The following MSR1 variants were observed in gnomAD, a reference collection of about 807,000 sequenced individuals.
The protein encoded by MSR1 is macrophage scavenger receptor types I and II.
A neutral mutation model predicts 47.2 loss-of-function variants in MSR1; 53 were observed. The observed-to-expected ratio is 1.12, with a 90% CI of 0.90 to 1.41. The LOEUF (loss-of-function observed/expected upper bound fraction) is 1.41, where lower values mean the gene tolerates loss of function less well. Among genes scored for constraint, MSR1 ranks in the 40% most tolerant of loss-of-function variants. MSR1 has a pLI of 0.00. For synonymous variants in MSR1, 239 were observed against 185.6 expected, an observed-to-expected ratio of 1.29 and a Z score of -2.34; for missense variants, 786 against 546.9, an observed-to-expected ratio of 1.44 and a Z score of -4.36.
At chr8:16,117,171 C>A (rs1369655201) in intron 9 of MSR1, among the ~76,000 whole-genome samples, 1 of 152,106 alleles carries the variant, frequency 6.6e-6, no homozygotes, top group African/African-American at 2.4e-5. Context: ...ACTGCCGCTC[C>A]CTATCACTCA....
At chr8:16,173,072 C>T (rs1171678272) in intron 3 of MSR1, among the ~76,000 whole-genome samples, 2 of 152,134 alleles carry the variant, frequency 1.3e-5, no homozygotes, top group African/African-American at 2.4e-5. Flanking sequence ...TTTCCAAATT[C>T]TGGTGAATCT....
At chr8:16,183,423 T>A (rs1481058827) in intron 1 of MSR1, among the ~76,000 whole-genome samples, 1 of 151,052 alleles carries the variant, frequency 6.6e-6, no homozygotes, top group African/African-American at 2.4e-5. Flanking sequence ...ATATATTAAA[T>A]AAATATTGAA....
At chr8:16,161,424 T>A (rs910814535) in intron 5 of MSR1, among the ~76,000 whole-genome samples, 3 of 151,986 alleles carry the variant, frequency 2.0e-5, no homozygotes, top group Non-Finnish European at 2.9e-5. Flanking sequence ...AGTGGAGGTA[T>A]CTAACTGTTA....
chr8:16,163,021 G>A (rs1801204396), intron 5 of MSR1, among the ~76,000 whole-genome samples: 1 of 151,942 alleles, frequency 6.6e-6, no homozygotes, highest in African/African-American at 2.4e-5. Flanking sequence ...AGCACTTTCA[G>A]TTCCTTGTGT....
In MSR1 at chr8:16,120,428, G is replaced by A. The variant is rs1799972776; in HGVS notation, c.1212C>T (p.His404=). The change falls in exon 9 of 10, where the codon CAC becomes CAT. Residue 404 remains histidine, a synonymous_variant. Transcript: ENST00000262101. ...PGVQAVHKAA[H]FGQGTGPIWL... ...TTTTCTTTAAATTACCTTGTCCAAAGTGAGCTGCCTTGTGCACGGCTTGAA... is the reference window on the plus strand; with the variant it reads ...TTTTCTTTAAATTACCTTGTCCAAAATGAGCTGCCTTGTGCACGGCTTGAA... The A allele has an allele frequency of 6.2e-7, 1 of 1,613,710 alleles. No individual in the cohort carries two copies. Among genetic ancestry groups the A allele is most frequent in the Non-Finnish European group, 8.5e-7 (1 of 1,179,856 alleles).
chr8:16,167,164 T>C (rs1004842689), intron 4 of MSR1, among the ~76,000 whole-genome samples: 8 of 152,282 alleles, frequency 5.3e-5, no homozygotes, highest in Non-Finnish European at 1.2e-4. Context: ...TTTCCATTAA[T>C]TATCACTTCA....
intron 3 of MSR1, among the ~76,000 whole-genome samples, chr8:16,170,701 CT>C (rs1448710156): frequency 2.0e-5 from 3 of 152,116 alleles, no homozygotes; most frequent in African/African-American, 4.8e-5. Flanking sequence ...AGTTCTACCC[CT>C]AACTCAAGGA....
intron 8 of MSR1, among the ~76,000 whole-genome samples, chr8:16,128,501 GC>G (rs1800180298): frequency 3.3e-5 from 5 of 152,020 alleles, no homozygotes; most frequent in Non-Finnish European, 7.4e-5. Context: ...AGCCAATCCT[GC>G]CCCCAGCTTG....
intron 8 of MSR1, among the ~76,000 whole-genome samples, chr8:16,122,584 T>C (rs552331223): frequency 1.3e-5 from 2 of 152,074 alleles, no homozygotes; most frequent in African/African-American, 4.8e-5. Flanking sequence ...GGAGCAGTGG[T>C]TCTCAAAGAA....
At chr8:16,120,895 T>C (rs902815905) in intron 8 of MSR1, 3 of 422,686 alleles carry the variant, frequency 7.1e-6, no homozygotes, top group African/African-American at 6.0e-5. Flanking sequence ...CGAGTTTGAA[T>C]TTTGACAGAT....
chr8:16,162,933 A>C (rs1563159765), intron 5 of MSR1, among the ~76,000 whole-genome samples: 1 of 151,972 alleles, frequency 6.6e-6, no homozygotes, highest in Non-Finnish European at 1.5e-5. Flanking sequence ...ATATTGACTA[A>C]GTTCTCGATT....
intron 9 of MSR1, among the ~76,000 whole-genome samples, chr8:16,112,149 A>G (rs965695323): frequency 1.3e-5 from 2 of 152,264 alleles, no homozygotes; most frequent in South Asian, 4.1e-4. Context: ...GGACACATGG[A>G]TGTGACAAAT....
chr8:16,158,503 G>A (rs351575), intron 5 of MSR1, among the ~76,000 whole-genome samples: 30 of 151,832 alleles, frequency 2.0e-4, no homozygotes, highest in Non-Finnish European at 2.8e-4. Flanking sequence ...TTTCCAGAGC[G>A]ATGCTTCTCT....
chr8:16,115,996 A>G (rs1202630916), intron 9 of MSR1, among the ~76,000 whole-genome samples: 1 of 151,968 alleles, frequency 6.6e-6, no homozygotes, highest in Non-Finnish European at 1.5e-5. Flanking sequence ...TATAAAATAA[A>G]AAATCTAAGT....
At chr8:16,188,536 C>T (rs573359313) in intron 1 of MSR1, among the ~76,000 whole-genome samples, 1 of 152,030 alleles carries the variant, frequency 6.6e-6, no homozygotes, top group East Asian at 1.9e-4. Flanking sequence ...GATACACGTG[C>T]AGAACGTGCA....
intron 8 of MSR1, among the ~76,000 whole-genome samples, chr8:16,122,037 G>T (rs1800017612): frequency 6.6e-6 from 1 of 151,968 alleles, no homozygotes; most frequent in Non-Finnish European, 1.5e-5. Flanking sequence ...GAGCTATGCA[G>T]AAACATAAAA....
intron 9 of MSR1, among the ~76,000 whole-genome samples, chr8:16,116,232 C>T (rs889054814): frequency 6.6e-6 from 1 of 152,136 alleles, no homozygotes; most frequent in Admixed American, 6.5e-5. Context: ...AGCTTCAAAA[C>T]AAATCTGCCA....
At chr8:16,140,892 G>C (rs367797541) in intron 8 of MSR1, 11 of 1,608,626 alleles carry the variant, frequency 6.8e-6, no homozygotes, top group Middle Eastern at 1.7e-4. Context: ...AAGTCATTTG[G>C]AGGAGTCACA....
chr8:16,177,808 G>A, intron 2 of MSR1, 78 bp downstream of exon 2: 2 of 1,122,064 alleles, frequency 1.8e-6, no homozygotes, highest in Non-Finnish European at 2.7e-6. Context: ...TTTAAGGTAA[G>A]TCTCAAGACT....
Sources: gnomAD v4.1 joint callset for allele counts (sites outside exome capture counted in the v4.1 genomes callset) on GRCh38, gnomAD v4.1.1 for gene constraint, MANE v1.5 for transcripts, NCBI Gene and HGNC (gene_info 2026-07-23, HGNC 2026-07-21) for gene names.